Variants in GRID1 observed in about 807,000 individuals in gnomAD.
GRID1 encodes the protein glutamate receptor ionotropic, delta-1.
A neutral mutation model predicts 98.0 loss-of-function variants in GRID1; 28 were observed. The ratio of observed to expected loss-of-function variants is 0.29; its 90% CI spans 0.21 to 0.39. The LOEUF is 0.39. Among genes scored for constraint, GRID1 ranks in the 10% least tolerant of loss-of-function variants. The pLI is 1.00. For synonymous variants in GRID1, 553 were observed against 538.5 expected (o/e 1.03, Z -0.37); for missense variants, 1,111 against 1,340.5 (o/e 0.83, Z 2.67).
intron 2 of GRID1, among the ~76,000 whole-genome samples, chr10:86,263,382 G>A (rs1200132165): frequency 6.6e-6 from 1 of 152,174 alleles, no homozygotes; most frequent in Non-Finnish European, 1.5e-5. Context: ...CGGCAGCGGG[G>A]AGGATCCCGC....
chr10:86,361,520 G>A (rs1848600454), intron 2 of GRID1, among the ~76,000 whole-genome samples: 1 of 152,130 alleles, frequency 6.6e-6, no homozygotes, highest in South Asian at 2.1e-4. Flanking sequence ...GTGTCAGTCT[G>A]CCATCCTTGG....
chr10:85,802,071 T>C (rs1251551260), intron 8 of GRID1, among the ~76,000 whole-genome samples: 1 of 152,088 alleles, frequency 6.6e-6, no homozygotes, highest in South Asian at 2.1e-4. Context: ...GAGGAAGTTA[T>C]AAAAATTACT....
At chr10:86,257,543 CA>C (rs969605812) in intron 2 of GRID1, among the ~76,000 whole-genome samples, 1 of 152,256 alleles carries the variant, frequency 6.6e-6, no homozygotes, top group African/African-American at 2.4e-5. Context: ...TAATATAAGC[CA>C]ACAGACTGAT....
At chr10:86,273,786 G>C (rs1237279274) in intron 2 of GRID1, among the ~76,000 whole-genome samples, 2 of 151,990 alleles carry the variant, frequency 1.3e-5, no homozygotes, top group Non-Finnish European at 2.9e-5. Flanking sequence ...AAATTTGTTT[G>C]AGTTCATTGT....
At chr10:86,108,518 C>G (rs909503916) in intron 4 of GRID1, among the ~76,000 whole-genome samples, 10 of 152,160 alleles carry the variant, frequency 6.6e-5, no homozygotes, top group African/African-American at 2.2e-4. Context: ...CATACACATG[C>G]ACACCCACAC....
At chr10:85,832,257 T>C (rs1207423031) in intron 8 of GRID1, among the ~76,000 whole-genome samples, 1 of 152,126 alleles carries the variant, frequency 6.6e-6, no homozygotes, top group Non-Finnish European at 1.5e-5. Flanking sequence ...AGCAACTTCA[T>C]ACAAACTCGT....
intron 1 of GRID1, 87 bp from the exon 2 acceptor site, chr10:86,364,183 C>G (rs749609675): frequency 7.2e-6 from 8 of 1,105,300 alleles, no homozygotes; most frequent in Non-Finnish European, 9.3e-6. Flanking sequence ...ACTCGCAGAC[C>G]GATGATTGCC....
chr10:86,332,577 CT>C (rs1295991769), intron 2 of GRID1, among the ~76,000 whole-genome samples: 2 of 152,130 alleles, frequency 1.3e-5, no homozygotes, highest in Non-Finnish European at 2.9e-5. Flanking sequence ...CAAACTCCCA[CT>C]TGAACTCAGC....
chr10:85,938,203 G>C (rs565817868), intron 4 of GRID1, among the ~76,000 whole-genome samples: 1 of 152,120 alleles, frequency 6.6e-6, no homozygotes, highest in Non-Finnish European at 1.5e-5. Context: ...AGTTCTCCAG[G>C]AAAATCCACC....
Position 85,856,088 on chromosome 10 carries a change from T to C in GRID1, c.1054A>G (p.Ile352Val), listed in dbSNP as rs750824163. 2 of 1,614,202 alleles carry C rather than the reference T, an allele frequency of 1.2e-6. No homozygotes were observed. The highest frequency in any genetic ancestry group is 1.7e-5 in the Admixed American group (1 of 60,032). Residue 352 changes from isoleucine (I) to valine (V), a missense_variant, in exon 7 of 16, where the codon ATA (isoleucine) becomes GTA (valine). By Grantham distance (29) the Ile-to-Val change is conservative (BLOSUM62 3). Coordinates refer to ENST00000327946, the MANE Select transcript of GRID1 (RefSeq NM_017551.3). ...TTCCATGGCTTAGTGGATTTCCGTA[T>C]GCAGTTGAGGCTCGCCATGCTATGC... ...KWHSMASLNC[I>V]RKSTKPWNGG...
At chr10:85,889,356 T>C (rs867803893) in intron 5 of GRID1, among the ~76,000 whole-genome samples, 4 of 152,300 alleles carry the variant, frequency 2.6e-5, no homozygotes, top group African/African-American at 9.6e-5. Context: ...CCTCCCAAGA[T>C]TCTGGTAACC....
chr10:85,619,513 C>T (rs1435831250), intron 14 of GRID1, among the ~76,000 whole-genome samples: 1 of 152,176 alleles, frequency 6.6e-6, no homozygotes, highest in Non-Finnish European at 1.5e-5. Context: ...TCAGGGGTGT[C>T]CCCTCCTCTG....
chr10:86,248,563 C>CTTTTTTT (rs200060771), intron 2 of GRID1, among the ~76,000 whole-genome samples: 10 of 121,838 alleles, frequency 8.2e-5, no homozygotes, highest in South Asian at 2.7e-4. Context: ...CATGACAATT[C>CTTTTTTT]TTTTTTTTTT....
At chr10:86,345,840 G>C (rs1848373800) in intron 2 of GRID1, among the ~76,000 whole-genome samples, 1 of 152,068 alleles carries the variant, frequency 6.6e-6, no homozygotes, top group African/African-American at 2.4e-5. Flanking sequence ...CAGGATGTCA[G>C]CACCTCCTCC....
At chr10:86,343,753 G>T (rs1325248451) in intron 2 of GRID1, among the ~76,000 whole-genome samples, 1 of 152,232 alleles carries the variant, frequency 6.6e-6, no homozygotes. Context: ...ATGGCACCCT[G>T]TGTCTGATGA....
At chr10:85,790,252 T>C (rs1176355241) in intron 8 of GRID1, among the ~76,000 whole-genome samples, 4 of 152,144 alleles carry the variant, frequency 2.6e-5, no homozygotes, top group African/African-American at 9.7e-5. Flanking sequence ...CCTGAATCCA[T>C]GACTGGCAGA....
chr10:85,750,777 A>G (rs1384944132), intron 8 of GRID1, among the ~76,000 whole-genome samples: 1 of 152,198 alleles, frequency 6.6e-6, no homozygotes. Context: ...TGACAGAAAC[A>G]AAAGTAATGC....
intron 4 of GRID1, among the ~76,000 whole-genome samples, chr10:86,134,899 G>A (rs531361115): frequency 1.5e-4 from 23 of 152,152 alleles, no homozygotes; most frequent in African/African-American, 5.6e-4. Flanking sequence ...CAGGTAAAAG[G>A]GTCTGTTCAT....
chr10:86,140,144 C>T (rs1844990992), intron 3 of GRID1, among the ~76,000 whole-genome samples: 1 of 152,198 alleles, frequency 6.6e-6, no homozygotes, highest in South Asian at 2.1e-4. Flanking sequence ...TCTCAATCCA[C>T]AGGCCATTTT....
Sources: gnomAD v4.1 joint callset for allele counts (sites outside exome capture counted in the v4.1 genomes callset) on GRCh38, gnomAD v4.1.1 for gene constraint, MANE v1.5 for transcripts, NCBI Gene and HGNC (gene_info 2026-07-23, HGNC 2026-07-21) for gene names.